Variants in AGMO observed in about 807,000 individuals in gnomAD.
The protein encoded by AGMO is glyceryl-ether monooxygenase.
In AGMO, 75 loss-of-function variants were observed where a neutral mutation model predicts 60.2. That is an observed-to-expected ratio of 1.25 (90% confidence interval 1.03 to 1.51). The LOEUF (loss-of-function observed/expected upper bound fraction) is 1.51, where lower values mean the gene tolerates loss of function less well. Among genes scored for constraint, AGMO ranks in the 40% most tolerant of loss-of-function variants. The probability of loss-of-function intolerance (pLI) is 0.00; values close to 1 mark genes in which losing one functional copy is unlikely to be tolerated. For missense variants in AGMO, 763 were observed against 525.5 expected, an observed-to-expected ratio of 1.45 and a Z score of -4.42; for synonymous variants, 261 against 177.1, an observed-to-expected ratio of 1.47 and a Z score of -3.76.
intron 12 of AGMO, among the ~76,000 whole-genome samples, chr7:15,290,100 G>A (rs1459521581): frequency 1.3e-5 from 2 of 150,670 alleles, no homozygotes; most frequent in Non-Finnish European, 3.0e-5. Context: ...CATGATCTTG[G>A]CTCACTGCAA....
intron 12 of AGMO, among the ~76,000 whole-genome samples, chr7:15,343,377 A>G (rs1459434198): frequency 1.3e-5 from 2 of 152,136 alleles, no homozygotes; most frequent in Non-Finnish European, 2.9e-5. Context: ...CTCATTTTTT[A>G]TCCCACTACC....
At chr7:15,153,460 T>C in the AGMO span, among the ~76,000 whole-genome samples, 1 of 152,170 alleles carries the variant, frequency 6.6e-6, no homozygotes, top group Non-Finnish European at 1.5e-5. Flanking sequence ...TCTTCCAGAA[T>C]GTTTATGATT....
In AGMO at chr7:15,232,801, G is replaced by GCACACACACACACACACA. The variant is rs71004371; in HGVS notation, c.1264-31460_1264-31443dup. Among the ~76,000 whole-genome samples, 51 of 147,124 alleles carry GCACACACACACACACACA rather than the reference G, an allele frequency of 3.5e-4. No homozygotes were observed. The East Asian group carries it at 5.6e-3, about 16-fold the overall frequency. On this transcript the variant is annotated intron_variant, in intron 12 of 12. Coordinates refer to ENST00000342526, the MANE Select transcript of AGMO (RefSeq NM_001004320.2). Reference sequence around the variant, plus strand: ...TTAAACATGGAAACCACACACACACGCACACACACACACACACACACACAC... The same window carrying GCACACACACACACACACA: ...TTAAACATGGAAACCACACACACACGCACACACACACACACACACACACACACACACACACACACACAC...
chr7:15,494,339 A>G (rs1783163873), intron 3 of AGMO, among the ~76,000 whole-genome samples: 2 of 152,252 alleles, frequency 1.3e-5, no homozygotes, highest in Non-Finnish European at 2.9e-5. Flanking sequence ...TACCAGATCT[A>G]GAGCATTATG....
chr7:15,544,047 G>T (rs1236213308), intron 3 of AGMO, among the ~76,000 whole-genome samples: 1 of 151,962 alleles, frequency 6.6e-6, no homozygotes, highest in Non-Finnish European at 1.5e-5. Flanking sequence ...GCCATAAAAA[G>T]GAATGAAATA....
intron 12 of AGMO, among the ~76,000 whole-genome samples, chr7:15,254,038 T>A (rs926537448): frequency 6.6e-6 from 1 of 152,186 alleles, no homozygotes; most frequent in Non-Finnish European, 1.5e-5. Context: ...CAGGCAAATA[T>A]GATAGAATTT....
At chr7:15,117,724 C>T in the AGMO span, among the ~76,000 whole-genome samples, 3 of 151,936 alleles carry the variant, frequency 2.0e-5, no homozygotes, top group Non-Finnish European at 4.4e-5. Flanking sequence ...GTCCACATGG[C>T]CGCATGCTTT....
chr7:15,483,363 G>A (rs1782813219), intron 3 of AGMO, among the ~76,000 whole-genome samples: 1 of 152,078 alleles, frequency 6.6e-6, no homozygotes. Context: ...TCAGGAGATT[G>A]AGACCATCCT....
At chr7:15,208,396 G>A (rs746169488) in intron 12 of AGMO, among the ~76,000 whole-genome samples, 1 of 152,104 alleles carries the variant, frequency 6.6e-6, no homozygotes, top group Admixed American at 6.5e-5. Flanking sequence ...ATCTTCCTCT[G>A]GTGCTCACCA....
chr7:15,333,464 A>G (rs1041086639), intron 12 of AGMO, among the ~76,000 whole-genome samples: 2 of 152,070 alleles, frequency 1.3e-5, no homozygotes, highest in African/African-American at 4.8e-5. Context: ...CAAGGGATTT[A>G]GAGTCCTTAT....
intron 12 of AGMO, among the ~76,000 whole-genome samples, chr7:15,273,459 T>C (rs1030599423): frequency 3.3e-5 from 5 of 151,922 alleles, no homozygotes; most frequent in African/African-American, 1.2e-4. Context: ...TCTGAGGGCT[T>C]TGTTTTGTTC....
intron 3 of AGMO, among the ~76,000 whole-genome samples, chr7:15,459,224 T>C (rs1782072416): frequency 6.6e-6 from 1 of 152,312 alleles, no homozygotes; most frequent in South Asian, 2.1e-4. Flanking sequence ...CCAATTCAAA[T>C]AAAATCACCC....
chr7:15,367,296 T>A (rs1783025528), intron 10 of AGMO, among the ~76,000 whole-genome samples: 1 of 151,914 alleles, frequency 6.6e-6, no homozygotes, highest in African/African-American at 2.4e-5. Context: ...AAAACATTTT[T>A]GTCAGAATTA....
At chr7:15,537,130 T>A (rs1370410009) in intron 3 of AGMO, among the ~76,000 whole-genome samples, 1 of 152,110 alleles carries the variant, frequency 6.6e-6, no homozygotes, top group Non-Finnish European at 1.5e-5. Flanking sequence ...ATTTGAAACA[T>A]CCCTAAACCT....
intron 12 of AGMO, among the ~76,000 whole-genome samples, chr7:15,286,080 T>G (rs1219038863): frequency 1.3e-5 from 2 of 152,140 alleles, no homozygotes; most frequent in Admixed American, 1.3e-4. Flanking sequence ...CAACTCAAGA[T>G]GGACCAAAGA....
At chr7:15,449,322 G>A (rs1291818843) in intron 3 of AGMO, among the ~76,000 whole-genome samples, 1 of 115,644 alleles carries the variant, frequency 8.6e-6, no homozygotes, top group South Asian at 3.1e-4. Flanking sequence ...CATATTAAGA[G>A]TGCTTCTCTT....
chr7:15,380,477 A>G (rs1783634399), intron 10 of AGMO, among the ~76,000 whole-genome samples: 1 of 152,148 alleles, frequency 6.6e-6, no homozygotes, highest in Admixed American at 6.6e-5. Flanking sequence ...CTCTAGAAGG[A>G]GAGCTACAAA....
At chr7:15,255,339 A>G (rs1223050587) in intron 12 of AGMO, among the ~76,000 whole-genome samples, 4 of 152,142 alleles carry the variant, frequency 2.6e-5, no homozygotes, top group Non-Finnish European at 4.4e-5. Context: ...CTGCACATGT[A>G]CCCCAGAACT....
rs1054569164 is a variant in AGMO at position 15,400,358 on chromosome 7, G to T, written c.610-6179C>A. The stretch of plus-strand genomic sequence containing the variant: ...TGCTACTGGCATCTAGTGAGCAGTG[G>T]TGGGTTTAGTGCTGTTAAACATTCC... On this transcript the variant is annotated intron_variant, in intron 5 of 12. Coordinates refer to ENST00000342526, the MANE Select transcript of AGMO (RefSeq NM_001004320.2). Among the ~76,000 whole-genome samples, 4 of 152,232 alleles carry T rather than the reference G, an allele frequency of 2.6e-5. No homozygotes were observed. The East Asian group carries it at 5.8e-4, about 22-fold the overall frequency.
Sources: allele counts gnomAD v4.1 joint callset (sites outside exome capture counted in the v4.1 genomes callset), GRCh38; gene constraint gnomAD v4.1.1; transcripts MANE v1.5; gene names NCBI Gene and HGNC (gene_info 2026-07-23, HGNC 2026-07-21).